Variants in GABBR2 observed in about 807,000 individuals in gnomAD.
GABBR2 encodes G-protein coupled receptor 51.
GABBR2 carries 23 observed loss-of-function variants against 105.6 expected under a neutral mutation model. The observed-to-expected ratio is 0.22, with a 90% CI of 0.16 to 0.31. The LOEUF (loss-of-function observed/expected upper bound fraction) is 0.31, where lower values mean the gene tolerates loss of function less well. Among genes scored for constraint, GABBR2 ranks in the 10% least tolerant of loss-of-function variants. The probability of loss-of-function intolerance (pLI) is 1.00; values close to 1 mark genes in which losing one functional copy is unlikely to be tolerated. For missense variants in GABBR2, 734 were observed against 1,245.5 expected, an observed-to-expected ratio of 0.59 and a Z score of 6.18; for synonymous variants, 478 against 499.7, an observed-to-expected ratio of 0.96 and a Z score of 0.58.
intron 2 of GABBR2, among the ~76,000 whole-genome samples, chr9:98,551,002 G>C (rs1335207780): frequency 6.6e-6 from 1 of 152,096 alleles, no homozygotes; most frequent in Admixed American, 6.5e-5. Flanking sequence ...CTTGACAGTG[G>C]ATAGATGAAT....
At chr9:98,587,321 T>A (rs1414998811) in intron 1 of GABBR2, among the ~76,000 whole-genome samples, 1 of 152,180 alleles carries the variant, frequency 6.6e-6, no homozygotes, top group Non-Finnish European at 1.5e-5. Flanking sequence ...AGTATTGACT[T>A]CTGTTAATGC....
intron 13 of GABBR2, among the ~76,000 whole-genome samples, chr9:98,342,007 TG>T (rs1029417894): frequency 1.3e-5 from 2 of 152,118 alleles, no homozygotes; most frequent in Admixed American, 1.3e-4. Flanking sequence ...GCACTGGTGG[TG>T]GGTGCTGGGG....
intron 16 of GABBR2, among the ~76,000 whole-genome samples, chr9:98,301,115 C>T (rs1313973206): frequency 4.6e-5 from 7 of 152,248 alleles, no homozygotes; most frequent in East Asian, 1.9e-4. Context: ...CCCTGGGTTC[C>T]GTGAGCCCCT....
In GABBR2 at chr9:98,652,216, T is replaced by A. The variant is rs1830118506; in HGVS notation, c.321+56201A>T. ...CCTGAGATGATAACCACTTTTTAGT[T>A]TAGTCTGGTTAATTCCATTGAATTC... On this transcript the variant is annotated intron_variant, in intron 1 of 18. Transcript: ENST00000259455. Among the ~76,000 whole-genome samples, 4 of 152,280 alleles carry A rather than the reference T, an allele frequency of 2.6e-5. No individual in the cohort carries two copies. The South Asian group carries it at 8.3e-4, about 32-fold the overall frequency.
intron 18 of GABBR2, among the ~76,000 whole-genome samples, chr9:98,291,113 T>C (rs564529810): frequency 6.6e-6 from 1 of 152,172 alleles, no homozygotes; most frequent in South Asian, 2.1e-4. Flanking sequence ...TATCGTAAGT[T>C]GAAAAATGCA....
intron 8 of GABBR2, among the ~76,000 whole-genome samples, chr9:98,400,692 G>A (rs750819959): frequency 6.6e-6 from 1 of 152,188 alleles, no homozygotes; most frequent in Non-Finnish European, 1.5e-5. Flanking sequence ...GAGCAGGGAG[G>A]AGCCATGCCT....
At chr9:98,447,845 G>A (rs77527215) in intron 7 of GABBR2, among the ~76,000 whole-genome samples, 2 of 151,910 alleles carry the variant, frequency 1.3e-5, no homozygotes, top group Non-Finnish European at 2.9e-5. Flanking sequence ...TCTAGGGGGT[G>A]GGGGGAGCAT....
At chr9:98,650,669 A>AG (rs1830091456) in intron 1 of GABBR2, among the ~76,000 whole-genome samples, 1 of 152,226 alleles carries the variant, frequency 6.6e-6, no homozygotes, top group African/African-American at 2.4e-5. Flanking sequence ...AAAAGCCAAG[A>AG]GGGGGAGGCA....
At chr9:98,350,637 A>C (rs1831382615) in intron 13 of GABBR2, among the ~76,000 whole-genome samples, 1 of 152,092 alleles carries the variant, frequency 6.6e-6, no homozygotes, top group Non-Finnish European at 1.5e-5. Context: ...AAATTTGTCG[A>C]GACTTGTTTT....
chr9:98,304,444 A>G (rs1001202258), intron 15 of GABBR2, among the ~76,000 whole-genome samples: 5 of 152,242 alleles, frequency 3.3e-5, no homozygotes, highest in African/African-American at 1.2e-4. Context: ...GTAACAGAGC[A>G]GAGTGCCGCA....
At chr9:98,442,147 T>C (rs902741441) in intron 7 of GABBR2, among the ~76,000 whole-genome samples, 1 of 152,194 alleles carries the variant, frequency 6.6e-6, no homozygotes, top group African/African-American at 2.4e-5. Context: ...TAAAATGCCC[T>C]CCCTCCTCCC....
At chr9:98,607,539 G>T in intron 1 of GABBR2, 2 of 625,810 alleles carry the variant, frequency 3.2e-6, no homozygotes, top group Non-Finnish European at 2.9e-6. Context: ...TTGTTAAAAA[G>T]ATAAAGGACC....
chr9:98,609,795 C>T (rs527377881), intron 1 of GABBR2, among the ~76,000 whole-genome samples: 4 of 152,314 alleles, frequency 2.6e-5, no homozygotes, highest in South Asian at 2.1e-4. Context: ...TGTGATGCCC[C>T]GTCTGCTACC....
chr9:98,463,522 T>A (rs79348577), intron 6 of GABBR2, among the ~76,000 whole-genome samples: 1,649 of 151,822 alleles, frequency 0.011, 32 homozygotes, highest in African/African-American at 0.038. Flanking sequence ...AAAATTAAGA[T>A]GTTTTGGTGA....
intron 4 of GABBR2, among the ~76,000 whole-genome samples, chr9:98,481,609 C>T (rs114660631): frequency 6.6e-4 from 100 of 152,286 alleles, no homozygotes; most frequent in African/African-American, 2.4e-3. Context: ...TACCAACAAA[C>T]CATGGGTGGC....
At chr9:98,344,883 A>T (rs1291987881) in intron 13 of GABBR2, among the ~76,000 whole-genome samples, 1 of 152,144 alleles carries the variant, frequency 6.6e-6, no homozygotes, top group Non-Finnish European at 1.5e-5. Context: ...TCTTTTGTCC[A>T]CTGGGACCCT....
intron 7 of GABBR2, among the ~76,000 whole-genome samples, chr9:98,438,183 C>A (rs76898681): frequency 1.8e-4 from 18 of 97,788 alleles, no homozygotes; most frequent in African/African-American, 7.6e-4. Flanking sequence ...ATCCATCCAT[C>A]CATCCATCCA....
At chr9:98,427,580 T>A (rs1365488728) in intron 7 of GABBR2, among the ~76,000 whole-genome samples, 2 of 152,188 alleles carry the variant, frequency 1.3e-5, no homozygotes, top group African/African-American at 4.8e-5. Flanking sequence ...AATTCCATCA[T>A]CCCCTTCCAC....
intron 9 of GABBR2, among the ~76,000 whole-genome samples, chr9:98,392,713 G>T (rs1211346008): frequency 1.3e-5 from 2 of 152,142 alleles, no homozygotes; most frequent in African/African-American, 2.4e-5. Context: ...CCCAATTTCT[G>T]CTGACCCACT....
Sources: allele counts gnomAD v4.1 joint callset (sites outside exome capture counted in the v4.1 genomes callset), GRCh38; gene constraint gnomAD v4.1.1; transcripts MANE v1.5; gene names NCBI Gene and HGNC (gene_info 2026-07-23, HGNC 2026-07-21).